The following CNR2 variants were observed in gnomAD, a reference collection of about 807,000 sequenced individuals.
The protein encoded by CNR2 is cannabinoid receptor 2.
For missense variants in CNR2, 379 were observed against 439.9 expected, an observed-to-expected ratio of 0.86 and a Z score of 1.24; for synonymous variants, 172 against 182.2, an observed-to-expected ratio of 0.94 and a Z score of 0.45.
Position 23,875,263 on chromosome 1 carries a change from C to G in CNR2, c.355G>C (p.Ala119Pro). Residue 119 changes from alanine to proline, a missense_variant, in exon 2 of 2, where the codon GCC (alanine) becomes CCC (proline). By Grantham distance (27) the Ala-to-Pro change is conservative (BLOSUM62 -1). Transcript: ENST00000374472. ...KIGSVTMTFT[A>P]SVGSLLLTAI... is the part of the protein sequence containing the mutation. The stretch of plus-strand genomic sequence containing the variant: ...GTCAGCAGGAGGCTACCCACAGAGG[C>G]TGTGAAGGTCATAGTCACGCTGCCA... The G allele has an allele frequency of 6.2e-7, 1 of 1,614,216 alleles. No homozygotes were observed. The highest frequency in any genetic ancestry group is 1.6e-4 in the Middle Eastern group (1 of 6,062).
intron 1 of CNR2, among the ~76,000 whole-genome samples, chr1:23,894,282 G>C (rs1190279912): frequency 1.3e-5 from 2 of 151,768 alleles, no homozygotes; most frequent in Non-Finnish European, 2.9e-5. Context: ...AAGTAACTGG[G>C]CGTTGTGGCT....
At chr1:23,885,771 A>G (rs1242548841) in intron 1 of CNR2, among the ~76,000 whole-genome samples, 1 of 152,030 alleles carries the variant, frequency 6.6e-6, no homozygotes. Context: ...CCAGCTACTC[A>G]GGAAGCTGAG....
At chr1:23,877,789 T>C (rs1035502058) in intron 1 of CNR2, among the ~76,000 whole-genome samples, 3 of 151,364 alleles carry the variant, frequency 2.0e-5, no homozygotes, top group African/African-American at 7.3e-5. Flanking sequence ...GATGAAACCC[T>C]GTCTCTACTA....
intron 1 of CNR2, among the ~76,000 whole-genome samples, chr1:23,894,428 A>C (rs28478747): frequency 0.18 from 24,373 of 133,404 alleles, 2,249 homozygotes; most frequent in East Asian, 0.38. Flanking sequence ...TCTCAAAAAA[A>C]AAAAATTTTT....
chr1:23,884,278 GGT>G (rs1443984234), intron 1 of CNR2, among the ~76,000 whole-genome samples: 4 of 60,348 alleles, frequency 6.6e-5, no homozygotes, highest in African/African-American at 2.5e-4. Flanking sequence ...CGGGGTTGTT[GGT>G]CAGGCTGGTC....
chr1:23,888,206 G>A (rs977959363), intron 1 of CNR2, among the ~76,000 whole-genome samples: 7 of 152,114 alleles, frequency 4.6e-5, no homozygotes, highest in African/African-American at 1.7e-4. Context: ...CACTCCGTTC[G>A]GTCTCTCTGG....
At chr1:23,899,982 GAAAGAAAA>G (rs1557532796) in intron 1 of CNR2, among the ~76,000 whole-genome samples, 15 of 4,208 alleles carry the variant, frequency 3.6e-3, no homozygotes, top group East Asian at 0.033. Context: ...AGGAAAGAAA[GAAAGAAAA>G]GAAAGAAAGA....
chr1:23,901,175 C>T (rs1640392308), intron 1 of CNR2, among the ~76,000 whole-genome samples: 1 of 152,256 alleles, frequency 6.6e-6, no homozygotes, highest in Non-Finnish European at 1.5e-5. Flanking sequence ...CAGGAACATG[C>T]AACCCCTCAA....
chr1:23,889,321 G>A (rs572169125), intron 1 of CNR2, among the ~76,000 whole-genome samples: 1 of 152,294 alleles, frequency 6.6e-6, no homozygotes, highest in African/African-American at 2.4e-5. Flanking sequence ...ATGATACCCT[G>A]CCTGTGGCTA....
Position 23,874,784 on chromosome 1 carries a change from C to A in CNR2, c.834G>T (p.Lys278Asn). The A allele has an allele frequency of 6.2e-7, 1 of 1,614,174 alleles. No individual in the cohort carries two copies. Among genetic ancestry groups the A allele is most frequent in the Non-Finnish European group, 8.5e-7 (1 of 1,180,028 alleles). Residue 278 changes from lysine to asparagine, a missense_variant, in exon 2 of 2, where the codon AAG (lysine) becomes AAT (asparagine). Physicochemically the swap from Lys to Asn is moderately conservative, Grantham distance 94. Coordinates refer to ENST00000374472, the MANE Select transcript of CNR2 (RefSeq NM_001841.3). The part of the protein sequence containing the change: ...SLATTLSDQV[K>N]KAFAFCSMLC... ...GCATGGAGCAGAAAGCAAAGGCCTT[C>A]TTGACCTGGTCACTGAGCGTAGTGG...
At chr1:23,895,426 AG>A (rs1443590318) in intron 1 of CNR2, among the ~76,000 whole-genome samples, 2 of 152,208 alleles carry the variant, frequency 1.3e-5, no homozygotes, top group Non-Finnish European at 2.9e-5. Flanking sequence ...CTATTCCATG[AG>A]CAAATAGATT....
In CNR2 at chr1:23,891,635, A is replaced by AAAAAAG. The variant is rs58607626; in HGVS notation, c.-45-15974_-45-15973insCTTTTT. Among the ~76,000 whole-genome samples the AAAAAAG allele has an allele frequency of 9.6e-4, 126 of 130,982 alleles. 5 individuals are homozygous for AAAAAAG. Among genetic ancestry groups the AAAAAAG allele is most frequent in the South Asian group, 5.7e-3 (24 of 4,206 alleles). The allele number at this position is 130,982 out of a possible 152,430, so 85.9% of individuals were successfully genotyped here. ...ACTCCATCTCAAAAAAAAAAAAAAA[A>AAAAAAG]AAAGCCCAAATCTTACCTCTTTTTA... On this transcript the variant is annotated intron_variant, in intron 1 of 1. Transcript: ENST00000374472.
chr1:23,910,289 CT>C (rs976525728), intron 1 of CNR2, among the ~76,000 whole-genome samples: 1 of 151,754 alleles, frequency 6.6e-6, no homozygotes, highest in African/African-American at 2.4e-5. Flanking sequence ...CTTGTGTGAG[CT>C]TCAGTTTCTC....
chr1:23,873,573 G>C lies in CNR2; in HGVS notation c.*962C>G, dbSNP rs1276608968. 6.6e-6 allele frequency: 1 copy of C among 152,080 alleles called. No homozygotes were observed. The highest frequency in any genetic ancestry group is 2.4e-5 in the African/African-American group (1 of 41,412). The allele number at this position is 152,080 out of a possible 1,614,324, so 9.4% of individuals were successfully genotyped here. A position where few individuals can be genotyped will look rare whatever the true frequency, so the allele number is the denominator to read the frequency against. On this transcript the variant is annotated 3_prime_UTR_variant, in exon 2 of 2. Coordinates refer to ENST00000374472, the MANE Select transcript of CNR2 (RefSeq NM_001841.3). ...AAAATCATGGAGCTATATTCTAGCT[G>C]GGGTCAATAGACTGAAATGTCAGCC...
In CNR2 at chr1:23,906,533, CT is replaced by C. The variant is rs1557535668; in HGVS notation, c.-46+6712del. Among the ~76,000 whole-genome samples, 7 of 117,132 alleles carry C rather than the reference CT, an allele frequency of 6.0e-5. No individual in the cohort carries two copies. The South Asian group carries it at 9.5e-4, about 16-fold the overall frequency. 76.8% of individuals were successfully genotyped at this position (117,132 alleles called of 152,430 possible). A position where few individuals can be genotyped will look rare whatever the true frequency, so the allele number is the denominator to read the frequency against. On this transcript the variant is annotated intron_variant, in intron 1 of 1. Coordinates refer to ENST00000374472, the MANE Select transcript of CNR2 (RefSeq NM_001841.3). ...TTTTTTTTTTTGTTTTCCTATCTTT[CT>C]TTTTTTTCTTTCTTTTTTTTTTTTT...
At chr1:23,895,973 A>G (rs888848837) in intron 1 of CNR2, among the ~76,000 whole-genome samples, 1 of 151,600 alleles carries the variant, frequency 6.6e-6, no homozygotes, top group African/African-American at 2.4e-5. Context: ...TTTTCTGACC[A>G]TTTTTTCTCA....
At chr1:23,892,790 C>T (rs1180310771) in intron 1 of CNR2, among the ~76,000 whole-genome samples, 2 of 152,014 alleles carry the variant, frequency 1.3e-5, no homozygotes, top group African/African-American at 2.4e-5. Flanking sequence ...CCGAGGCAGG[C>T]GGATCATTTG....
chr1:23,898,926 A>G (rs1449299901), intron 1 of CNR2, among the ~76,000 whole-genome samples: 1 of 150,992 alleles, frequency 6.6e-6, no homozygotes, highest in Admixed American at 6.6e-5. Context: ...GTGCTGGGAT[A>G]ACAGGCGTGA....
At chr1:23,911,141 A>T (rs3123558) in intron 1 of CNR2, among the ~76,000 whole-genome samples, 126,715 of 136,774 alleles carry the variant, frequency 0.93, 59,363 homozygotes, top group East Asian at 1. Flanking sequence ...GCGCAGTGAG[A>T]AGGTTAGGTC....
Sources: allele counts gnomAD v4.1 joint callset (sites outside exome capture counted in the v4.1 genomes callset), GRCh38; gene constraint gnomAD v4.1.1; transcripts MANE v1.5; gene names NCBI Gene and HGNC (gene_info 2026-07-23, HGNC 2026-07-21).